The following PROSER3 variants were observed in gnomAD, a reference collection of about 807,000 sequenced individuals.
PROSER3 encodes the protein proline and serine-rich protein 3.
In PROSER3, 33 loss-of-function variants were observed where a neutral mutation model predicts 50.2. That is an observed-to-expected ratio of 0.66 (90% confidence interval 0.50 to 0.88). The LOEUF is 0.88. Among genes scored for constraint, PROSER3 ranks in the 40% least tolerant of loss-of-function variants. The probability of loss-of-function intolerance (pLI) is 0.00; values close to 1 mark genes in which losing one functional copy is unlikely to be tolerated. For missense variants in PROSER3, 623 were observed against 612.7 expected, an observed-to-expected ratio of 1.02 and a Z score of -0.18; for synonymous variants, 266 against 259.3, an observed-to-expected ratio of 1.03 and a Z score of -0.25.
At chr19:35,768,679 G>A (rs1035663497) in exon 11 of PROSER3, 12 of 1,145,414 alleles carry the variant, frequency 1.0e-5, no homozygotes, top group East Asian at 5.3e-5. Context: ...CCCATCCTCC[G>A]CTGCCCCATG....
chr19:35,762,466 T>G, intron 5 of PROSER3, 110 bp downstream of exon 5: 1 of 1,075,070 alleles, frequency 9.3e-7, no homozygotes, highest in Non-Finnish European at 1.4e-6. Flanking sequence ...CCCAGCACTT[T>G]GGGAGGCCAA....
At chr19:35,769,185 C>G (rs766536208) in exon 11 of PROSER3, 4 of 152,180 alleles carry the variant, frequency 2.6e-5, no homozygotes, top group Admixed American at 1.3e-4. Context: ...GACCTGGCCA[C>G]GAAACCTTGG....
At chr19:35,767,976 A>C (rs762456479) in exon 9 of PROSER3, 2 of 1,605,948 alleles carry the variant, frequency 1.2e-6, no homozygotes, top group Non-Finnish European at 1.7e-6. Context: ...GGGTCTCCGG[A>C]GGCCCTGGCC....
intron 5 of PROSER3, among the ~76,000 whole-genome samples, chr19:35,763,397 G>T (rs937554070): frequency 1.3e-5 from 2 of 151,006 alleles, no homozygotes; most frequent in Admixed American, 1.3e-4. Flanking sequence ...GTAGAGATGG[G>T]ATTTCACCGT....
At chr19:35,760,965 T>C (rs1970937479) in intron 3 of PROSER3, among the ~76,000 whole-genome samples, 1 of 152,194 alleles carries the variant, frequency 6.6e-6, no homozygotes, top group South Asian at 2.1e-4. Context: ...AGATAGAATT[T>C]ATTCCTCCCT....
chr19:35,759,086 C>T, intron 1 of PROSER3: 1 of 339,658 alleles, frequency 2.9e-6, no homozygotes, highest in Non-Finnish European at 5.5e-6. Context: ...GGAATGGGAA[C>T]CGCGCGCCTG....
At chr19:35,759,988 C>G in exon 3 of PROSER3, 1 of 1,583,664 alleles carries the variant, frequency 6.3e-7, no homozygotes, top group South Asian at 1.2e-5. Flanking sequence ...TCCGTGGTGG[C>G]CAAGTAAGTA....
At chr19:35,758,334 A>G in intron 1 of PROSER3, 108 bp downstream of exon 1, 1 of 1,364,936 alleles carries the variant, frequency 7.3e-7, no homozygotes, top group Admixed American at 3.1e-5. Flanking sequence ...CTAGGGCTCC[A>G]CCGCACTGGA....
chr19:35,770,587 T>C (rs1465022034), downstream of PROSER3, among the ~76,000 whole-genome samples: 3 of 152,138 alleles, frequency 2.0e-5, no homozygotes, highest in Admixed American at 6.6e-5. Context: ...TTAGAAAAGA[T>C]GATTTCTCAG....
intron 8 of PROSER3, 51 bp downstream of exon 8, chr19:35,767,006 C>A (rs750121588): frequency 1.3e-6 from 2 of 1,490,144 alleles, no homozygotes; most frequent in South Asian, 2.6e-5. Flanking sequence ...GGGGCTGGGT[C>A]TGAGGGGGAC....
chr19:35,766,832 A>T (rs529261516), exon 8 of PROSER3: 1 of 1,550,690 alleles, frequency 6.4e-7, no homozygotes, highest in African/African-American at 1.4e-5. Flanking sequence ...CCTCCCAAGC[A>T]CCCCTTCGGC....
chr19:35,765,034 C>T (rs763080898), exon 7 of PROSER3: 5 of 1,613,434 alleles, frequency 3.1e-6, no homozygotes, highest in Non-Finnish European at 4.2e-6. Flanking sequence ...CTCCCTGCAG[C>T]AAAGCCTCCA....
At chr19:35,766,545 G>A (rs893919679) in intron 7 of PROSER3, among the ~76,000 whole-genome samples, 8 of 152,062 alleles carry the variant, frequency 5.3e-5, no homozygotes, top group African/African-American at 1.9e-4. Flanking sequence ...TATATATAAT[G>A]AACAAAGACT....
intron 1 of PROSER3, 193 bp from the exon 2 acceptor site, chr19:35,759,181 C>T: frequency 1.7e-6 from 1 of 580,220 alleles, no homozygotes; most frequent in East Asian, 2.9e-5. Flanking sequence ...GTTAAGACTG[C>T]TCCAGGGGCG....
At chr19:35,764,308 C>T (rs1336296717) in intron 5 of PROSER3, among the ~76,000 whole-genome samples, 1 of 152,170 alleles carries the variant, frequency 6.6e-6, no homozygotes, top group East Asian at 1.9e-4. Context: ...TCTGATGAAG[C>T]AGCTCTGATC....
intron 8 of PROSER3, chr19:35,767,676 G>A: frequency 1.6e-6 from 2 of 1,225,898 alleles, no homozygotes; most frequent in Non-Finnish European, 2.3e-6. Context: ...TTCCCTGACA[G>A]CCTGGAGGAC....
At chr19:35,762,550 A>G in intron 5 of PROSER3, 194 bp downstream of exon 5, 3 of 421,006 alleles carry the variant, frequency 7.1e-6, no homozygotes, top group Non-Finnish European at 1.3e-5. Context: ...CTCTACTAAA[A>G]AAAAAAAAAA....
chr19:35,762,616 C>G (rs1376384654), intron 5 of PROSER3: 1 of 399,704 alleles, frequency 2.5e-6, no homozygotes, highest in South Asian at 3.6e-5. Context: ...ATCCCAGCTA[C>G]TTGAGAGCCT....
At chr19:35,761,924 GC>G (rs1437371062) in intron 3 of PROSER3, 94 bp from the exon 4 acceptor site, 18 of 1,354,518 alleles carry the variant, frequency 1.3e-5, no homozygotes, top group Non-Finnish European at 1.8e-5. Context: ...ACCAGGCTCT[GC>G]CATGGTGCTT....
Sources: allele counts gnomAD v4.1 joint callset (sites outside exome capture counted in the v4.1 genomes callset), GRCh38; gene constraint gnomAD v4.1.1; transcripts MANE v1.5; gene names NCBI Gene and HGNC (gene_info 2026-07-23, HGNC 2026-07-21).